GMDS: variants seen among roughly 807,000 people sequenced by gnomAD.
GMDS encodes the protein GDP-mannose 4,6-dehydratase.
A neutral mutation model predicts 49.9 loss-of-function variants in GMDS; 20 were observed. The ratio of observed to expected loss-of-function variants is 0.40; its 90% CI spans 0.28 to 0.58. The LOEUF (loss-of-function observed/expected upper bound fraction) is 0.58. Among genes scored for constraint, GMDS ranks in the 20% least tolerant of loss-of-function variants. The pLI, the probability that GMDS is intolerant of heterozygous loss-of-function variation, is 0.42. For synonymous variants in GMDS, 177 were observed against 178.6 expected (o/e 0.99, Z 0.07); for missense variants, 362 against 481.4 (o/e 0.75, Z 2.32).
chr6:1,914,242 G>A (rs1395975648), intron 7 of GMDS, among the ~76,000 whole-genome samples: 1 of 150,072 alleles, frequency 6.7e-6, no homozygotes, highest in East Asian at 2.0e-4. Flanking sequence ...GTATCATGAG[G>A]TCAGGAGATT....
At chr6:2,161,749 C>G (rs1777410460) in intron 1 of GMDS, among the ~76,000 whole-genome samples, 2 of 152,156 alleles carry the variant, frequency 1.3e-5, no homozygotes, top group African/African-American at 4.8e-5. Context: ...AACCAAAGGA[C>G]CCCTTTAAGG....
At chr6:2,020,424 G>T (rs951548177) in intron 4 of GMDS, among the ~76,000 whole-genome samples, 52 of 152,012 alleles carry the variant, frequency 3.4e-4, no homozygotes, top group African/African-American at 1.2e-3. Context: ...TATATAAAAA[G>T]AATCTGAAAT....
intron 1 of GMDS, among the ~76,000 whole-genome samples, chr6:2,144,134 T>A (rs909877301): frequency 2.0e-5 from 3 of 152,196 alleles, no homozygotes; most frequent in Non-Finnish European, 4.4e-5. Flanking sequence ...GTCCCATAAT[T>A]ATCCCAATTT....
intron 4 of GMDS, among the ~76,000 whole-genome samples, chr6:1,986,909 A>G (rs1326175156): frequency 6.6e-6 from 1 of 152,212 alleles, no homozygotes; most frequent in Non-Finnish European, 1.5e-5. Context: ...GATGGTAAAT[A>G]AGCTAAGAAG....
intron 6 of GMDS, chr6:1,930,509 G>T (rs990765558): frequency 1.8e-5 from 5 of 275,818 alleles, no homozygotes; most frequent in Non-Finnish European, 3.4e-5. Context: ...GCTTCAATAT[G>T]CAACCCAGGC....
intron 4 of GMDS, among the ~76,000 whole-genome samples, chr6:2,026,630 T>C (rs981038627): frequency 2.6e-5 from 4 of 152,234 alleles, no homozygotes; most frequent in Non-Finnish European, 5.9e-5. Context: ...AATTTTAGCA[T>C]GAACATTTCC....
chr6:1,632,410 T>G (rs1279243284), intron 9 of GMDS, among the ~76,000 whole-genome samples: 1 of 152,216 alleles, frequency 6.6e-6, no homozygotes, highest in Non-Finnish European at 1.5e-5. Flanking sequence ...GAAACGAGAC[T>G]GGAGGACAGG....
chr6:2,112,663 C>T (rs1774614538), intron 4 of GMDS, among the ~76,000 whole-genome samples: 1 of 152,186 alleles, frequency 6.6e-6, no homozygotes, highest in Non-Finnish European at 1.5e-5. Context: ...TATAACCTCT[C>T]AACTTCTAAA....
intron 7 of GMDS, among the ~76,000 whole-genome samples, chr6:1,904,344 C>G (rs553417253): frequency 6.6e-6 from 1 of 152,246 alleles, no homozygotes; most frequent in Admixed American, 6.5e-5. Context: ...TCAGGACTCT[C>G]ATTTGCATTC....
intron 1 of GMDS, among the ~76,000 whole-genome samples, chr6:2,160,011 G>A (rs992971632): frequency 2.6e-5 from 4 of 151,946 alleles, no homozygotes; most frequent in Non-Finnish European, 4.4e-5. Flanking sequence ...AATTAACAAC[G>A]AAACCTACAA....
chr6:1,966,172 T>C (rs985423289), intron 4 of GMDS, among the ~76,000 whole-genome samples: 2 of 152,200 alleles, frequency 1.3e-5, no homozygotes, highest in Non-Finnish European at 2.9e-5. Context: ...ACCATAGTTA[T>C]AACTGGGAGC....
intron 9 of GMDS, among the ~76,000 whole-genome samples, chr6:1,655,616 G>C (rs1406478863): frequency 1.3e-5 from 2 of 151,262 alleles, no homozygotes; most frequent in Admixed American, 1.3e-4. Context: ...CAATTCTCCC[G>C]CCTCAGCCTC....
rs377724013 is a variant in GMDS, at chr6:1,624,154, G to A, written c.*15C>T. The A allele has an allele frequency of 7.0e-5, 112 of 1,604,716 alleles. No homozygotes were observed. The highest frequency in any genetic ancestry group is 9.3e-5 in the Non-Finnish European group (109 of 1,178,094). On this transcript the variant is annotated 3_prime_UTR_variant, in exon 11 of 11. Transcript: ENST00000380815. ...GGATTGTAGCCGGAGGGCGGGCCGG[G>A]CTCCGAGGCGCTGCTCAGGCATTGG...
At chr6:1,656,784 T>C (rs1259987411) in intron 9 of GMDS, among the ~76,000 whole-genome samples, 1 of 151,490 alleles carries the variant, frequency 6.6e-6, no homozygotes, top group African/African-American at 2.4e-5. Flanking sequence ...AAAAATTACA[T>C]CTTCTGGATC....
At chr6:1,745,033 C>T (rs1385622891) in intron 7 of GMDS, among the ~76,000 whole-genome samples, 1 of 152,164 alleles carries the variant, frequency 6.6e-6, no homozygotes, top group Non-Finnish European at 1.5e-5. Flanking sequence ...GCCAAAATAC[C>T]TTCAGAATTT....
chr6:2,225,235 C>T (rs1430405131), intron 1 of GMDS, among the ~76,000 whole-genome samples: 1 of 151,930 alleles, frequency 6.6e-6, no homozygotes, highest in East Asian at 1.9e-4. Context: ...GAGGCTGAGG[C>T]AGAAGTATTG....
intron 7 of GMDS, among the ~76,000 whole-genome samples, chr6:1,876,158 T>A (rs974894754): frequency 6.6e-6 from 1 of 151,928 alleles, no homozygotes; most frequent in Non-Finnish European, 1.5e-5. Context: ...CTAGGGAGAC[T>A]GAGGCAGGAG....
intron 7 of GMDS, among the ~76,000 whole-genome samples, chr6:1,922,753 C>A (rs916066979): frequency 3.9e-5 from 6 of 152,178 alleles, no homozygotes; most frequent in African/African-American, 7.2e-5. Context: ...CAGGGAAGAG[C>A]CGGCTGGACG....
At chr6:2,203,659 G>GA (rs915290917) in intron 1 of GMDS, among the ~76,000 whole-genome samples, 33 of 150,070 alleles carry the variant, frequency 2.2e-4, no homozygotes, top group East Asian at 1.2e-3. Flanking sequence ...TTAACACTAC[G>GA]AAAAAAAAAT....
Sources: allele counts gnomAD v4.1 joint callset (sites outside exome capture counted in the v4.1 genomes callset), GRCh38; gene constraint gnomAD v4.1.1; transcripts MANE v1.5; gene names NCBI Gene and HGNC (gene_info 2026-07-23, HGNC 2026-07-21).